The following CAMK1D variants were observed in gnomAD, a reference collection of about 807,000 sequenced individuals.
CAMK1D encodes calcium/calmodulin dependent protein kinase ID.
In CAMK1D, 9 loss-of-function variants were observed where a neutral mutation model predicts 47.7. The observed-to-expected ratio is 0.19, with a 90% CI of 0.11 to 0.33. The LOEUF (loss-of-function observed/expected upper bound fraction) is 0.33, where lower values mean the gene tolerates loss of function less well. CAMK1D is among the 10% of genes least tolerant of loss of function. CAMK1D has a pLI of 1.00. For synonymous variants in CAMK1D, 184 were observed against 184.9 expected (o/e 0.99, Z 0.04); for missense variants, 291 against 488.7 (o/e 0.60, Z 3.81).
chr10:12,592,016 T>TA (rs1564432460), intron 2 of CAMK1D, among the ~76,000 whole-genome samples: 3 of 151,458 alleles, frequency 2.0e-5, no homozygotes, highest in Admixed American at 1.3e-4. Context: ...TTTTTTTCCT[T>TA]AAAAAAGCCA....
chr10:12,581,323 A>G (rs537561332), intron 2 of CAMK1D, among the ~76,000 whole-genome samples: 3 of 152,220 alleles, frequency 2.0e-5, no homozygotes, highest in Non-Finnish European at 4.4e-5. Flanking sequence ...TATTTTTGCA[A>G]TTGTGAATTG....
intron 1 of CAMK1D, among the ~76,000 whole-genome samples, chr10:12,386,025 C>T (rs552188413): frequency 1.3e-5 from 2 of 152,146 alleles, no homozygotes; most frequent in Non-Finnish European, 2.9e-5. Flanking sequence ...GGATTACAGG[C>T]GTGAGCCACT....
intron 2 of CAMK1D, among the ~76,000 whole-genome samples, chr10:12,593,042 T>G (rs914191370): frequency 6.6e-6 from 1 of 152,214 alleles, no homozygotes; most frequent in African/African-American, 2.4e-5. Flanking sequence ...GAATGTTTTC[T>G]ATAAGGGGTC....
chr10:12,465,813 C>T (rs796903769), intron 1 of CAMK1D, among the ~76,000 whole-genome samples: 5 of 152,184 alleles, frequency 3.3e-5, no homozygotes, highest in African/African-American at 1.2e-4. Flanking sequence ...AGGCTAAATG[C>T]AAAGTCATCT....
chr10:12,383,063 TTCTC>T (rs1431571185), intron 1 of CAMK1D, among the ~76,000 whole-genome samples: 2 of 152,146 alleles, frequency 1.3e-5, no homozygotes, highest in Admixed American at 6.5e-5. Flanking sequence ...TCCCCTGCAC[TTCTC>T]TCTATGTATT....
In CAMK1D at chr10:12,557,977, C is replaced by T. The variant is rs80274053; in HGVS notation, c.224+4621C>T. 7.9e-3 allele frequency among the ~76,000 whole-genome samples: 1,208 copies of T among 152,282 alleles called. 37 individuals are homozygous for T. The East Asian group carries it at 0.087, about 11-fold the overall frequency. ...TTTCAAAATGAATTTTCTACTTGATCAGTAGATATTAAATGAAGCTCAGAG... is the reference window on the plus strand; with the variant it reads ...TTTCAAAATGAATTTTCTACTTGATTAGTAGATATTAAATGAAGCTCAGAG... On this transcript the variant is annotated intron_variant, in intron 2 of 10. Transcript: ENST00000619168.
chr10:12,405,367 A>G lies in CAMK1D; in HGVS notation c.92+55457A>G, dbSNP rs61847402. 8.3e-3 allele frequency among the ~76,000 whole-genome samples: 1,268 copies of G among 152,336 alleles called. 8 individuals are homozygous for G. The highest frequency in any genetic ancestry group is 0.013 in the Non-Finnish European group (864 of 68,028). On this transcript the variant is annotated intron_variant, in intron 1 of 10. Transcript: ENST00000619168. ...TAATGCCCAGGAAACAGTTGCACTC[A>G]TCAGCGAGCCTCGGAGTCATGTTCT...
chr10:12,558,066 G>A (rs1836821857), intron 2 of CAMK1D, among the ~76,000 whole-genome samples: 1 of 152,202 alleles, frequency 6.6e-6, no homozygotes, highest in Non-Finnish European at 1.5e-5. Context: ...CGGCAGCCTT[G>A]CTCTGGCATC....
intron 1 of CAMK1D, among the ~76,000 whole-genome samples, chr10:12,527,212 G>GA (rs1835652626): frequency 6.6e-6 from 1 of 151,836 alleles, no homozygotes; most frequent in Non-Finnish European, 1.5e-5. Flanking sequence ...GAGAAAAAAA[G>GA]AAAAAAATTT....
intron 2 of CAMK1D, among the ~76,000 whole-genome samples, chr10:12,564,076 T>C (rs1837039511): frequency 6.6e-6 from 1 of 152,078 alleles, no homozygotes; most frequent in South Asian, 2.1e-4. Context: ...TCTGTCTATC[T>C]ATCTAGATAT....
At chr10:12,827,575 G>A (rs1255914455) in intron 10 of CAMK1D, among the ~76,000 whole-genome samples, 1 of 98,462 alleles carries the variant, frequency 1.0e-5, no homozygotes, top group Non-Finnish European at 2.0e-5. Flanking sequence ...CCACTAACCT[G>A]CCCTGCCCTG....
At chr10:12,579,325 G>A (rs2132334034) in intron 2 of CAMK1D, among the ~76,000 whole-genome samples, 1 of 152,272 alleles carries the variant, frequency 6.6e-6, no homozygotes, top group East Asian at 1.9e-4. Flanking sequence ...TCTGAATCCT[G>A]TGTTGGGCCC....
chr10:12,501,784 C>T (rs1834712313), intron 1 of CAMK1D, among the ~76,000 whole-genome samples: 1 of 152,088 alleles, frequency 6.6e-6, no homozygotes, highest in East Asian at 1.9e-4. Context: ...GCCTCCCCAC[C>T]CTAAAGTATT....
chr10:12,564,084 T>C (rs1192928813), intron 2 of CAMK1D, among the ~76,000 whole-genome samples: 1 of 152,082 alleles, frequency 6.6e-6, no homozygotes, highest in African/African-American at 2.4e-5. Context: ...TCTATCTAGA[T>C]ATCTATCTAG....
At chr10:12,669,231 C>T (rs144937826) in intron 3 of CAMK1D, among the ~76,000 whole-genome samples, 2 of 98,440 alleles carry the variant, frequency 2.0e-5, no homozygotes, top group African/African-American at 4.0e-5. Flanking sequence ...GACTCTGTCT[C>T]GAAACAAACA....
chr10:12,811,897 G>C (rs1832622811), intron 6 of CAMK1D, among the ~76,000 whole-genome samples: 1 of 152,260 alleles, frequency 6.6e-6, no homozygotes, highest in Non-Finnish European at 1.5e-5. Context: ...TCCGTGGGCA[G>C]TGAACTATGT....
chr10:12,518,218 T>G (rs2132180108), intron 1 of CAMK1D, among the ~76,000 whole-genome samples: 1 of 152,346 alleles, frequency 6.6e-6, no homozygotes, highest in East Asian at 1.9e-4. Flanking sequence ...GAATAAAGTT[T>G]TATTGGAACA....
At chr10:12,640,914 T>G (rs1035255290) in intron 2 of CAMK1D, among the ~76,000 whole-genome samples, 1 of 152,226 alleles carries the variant, frequency 6.6e-6, no homozygotes, top group Admixed American at 6.5e-5. Flanking sequence ...TTATGAAGAA[T>G]AATTTATCGG....
intron 1 of CAMK1D, among the ~76,000 whole-genome samples, chr10:12,357,524 C>T (rs536369199): frequency 2.8e-4 from 42 of 152,264 alleles, no homozygotes; most frequent in Non-Finnish European, 5.3e-4. Context: ...ACGTGTTGCC[C>T]AGGCTGGTCT....
Sources: gnomAD v4.1 joint callset for allele counts (sites outside exome capture counted in the v4.1 genomes callset) on GRCh38, gnomAD v4.1.1 for gene constraint, MANE v1.5 for transcripts, NCBI Gene and HGNC (gene_info 2026-07-23, HGNC 2026-07-21) for gene names.